POLE: variants seen among roughly 807,000 people sequenced by gnomAD.
POLE encodes DNA polymerase epsilon catalytic subunit A.
POLE carries 188 observed loss-of-function variants against 279.2 expected under a neutral mutation model. The observed-to-expected ratio is 0.67, with a 90% CI of 0.60 to 0.76. The LOEUF (loss-of-function observed/expected upper bound fraction) is 0.76, where lower values mean the gene tolerates loss of function less well. POLE is among the 30% of genes least tolerant of loss of function. The pLI is 0.00. For missense variants in POLE, 2,703 were observed against 3,016.7 expected (o/e 0.90, Z 2.44); for synonymous variants, 1,214 against 1,172.5 (o/e 1.04, Z -0.72).
intron 45 of POLE, among the ~76,000 whole-genome samples, chr12:132,628,509 G>A (rs1308702010): frequency 2.6e-5 from 4 of 152,008 alleles, no homozygotes; most frequent in Non-Finnish European, 2.9e-5. Context: ...TGAGCATTGT[G>A]GCGGGCACCT....
chr12:132,665,629 C>T (rs1169547820), intron 20 of POLE, among the ~76,000 whole-genome samples, 179 bp from the exon 21 acceptor site: 1 of 152,178 alleles, frequency 6.6e-6, no homozygotes, highest in Non-Finnish European at 1.5e-5. Context: ...TATTTTGTCA[C>T]ACTTCCTTTA....
At position 132,675,912 on chromosome 12, in the gene POLE, A is replaced by G. The variant is rs534692022; in HGVS notation, c.1021-92T>C. The G allele has an allele frequency of 2.3e-5, 26 of 1,133,558 alleles. No individual in the cohort carries two copies. In the African/African-American group the frequency reaches 3.2e-4, roughly 14 times the overall value. 70.2% of individuals were successfully genotyped at this position (1,133,558 alleles called of 1,614,324 possible). ...CCCAAAGTTCAGAAGCAGCAGCCTC[A>G]TGTTGGCCCTTATTCCTGCCCCGCC... On this transcript the variant is annotated intron_variant, in intron 10 of 48. Transcript: ENST00000320574. The surrounding 1 kb of genome is among the most constrained non-coding windows in gnomAD (Gnocchi z 4.3).
In POLE at chr12:132,667,563, G is replaced by C. The variant is rs2135970043; in HGVS notation, c.2259C>G (p.Phe753Leu). ...LTTICQRENS[F>L]YVDTVRAFRD... The stretch of plus-strand genomic sequence containing the variant: ...GGAAGGCACGCACGGTGTCCACGTA[G>C]AAGGAGTTTTCCCGCTGGCAGATGG... The change falls in exon 20 of 49, where the codon TTC (phenylalanine) becomes TTG (leucine). Residue 753 changes from phenylalanine (F) to leucine (L), a missense_variant. By Grantham distance (22) the Phe-to-Leu change is conservative. Coordinates refer to ENST00000320574, the MANE Select transcript of POLE (RefSeq NM_006231.4). The C allele has an allele frequency of 6.2e-7, 1 of 1,613,858 alleles. No homozygotes were observed. Among genetic ancestry groups the C allele is most frequent in the Non-Finnish European group, 8.5e-7 (1 of 1,179,966 alleles).
chr12:132,648,882 C>A (rs778732897), intron 32 of POLE, 47 bp downstream of exon 32: 1 of 1,573,754 alleles, frequency 6.4e-7, no homozygotes. Context: ...GGAAAGCCAC[C>A]TCAGGCTGCC....
rs1011445513 is a variant in POLE at position 132,636,117 on chromosome 12, C to T, written c.5679-93G>A. ...CCCTTGTATCTATCTGTACCCTCCACTTACTTAACACTGAATTTGAAAGTT... is the reference window on the plus strand; with the variant it reads ...CCCTTGTATCTATCTGTACCCTCCATTTACTTAACACTGAATTTGAAAGTT... On this transcript the variant is annotated intron_variant, in intron 41 of 48. Coordinates refer to ENST00000320574, the MANE Select transcript of POLE (RefSeq NM_006231.4). 3.1e-6 allele frequency: 4 copies of T among 1,272,254 alleles called. No individual in the cohort carries two copies. The African/African-American group carries it at 4.5e-5, about 14-fold the overall frequency. The allele number at this position is 1,272,254 out of a possible 1,614,324, so 78.8% of individuals were successfully genotyped here.
chr12:132,658,208 C>A (rs1331828995), intron 26 of POLE: 2 of 459,098 alleles, frequency 4.4e-6, no homozygotes, highest in Non-Finnish European at 4.0e-6. Context: ...ATGTTCCTCA[C>A]AGCGTAACCA....
chr12:132,637,296 T>C (rs144651056), intron 41 of POLE, among the ~76,000 whole-genome samples: 122 of 152,338 alleles, frequency 8.0e-4, no homozygotes, highest in African/African-American at 2.9e-3. Flanking sequence ...CCCCAGATGC[T>C]ACCCCTGTAA....
At position 132,639,084 on chromosome 12, in the gene POLE, C is replaced by G. The variant is rs1464380567; in HGVS notation, c.5552+41G>C. On this transcript the variant is annotated intron_variant, in intron 40 of 48. Transcript: ENST00000320574. The surrounding 1 kb of genome is among the most constrained non-coding windows in gnomAD (Gnocchi z 4.7). ...TCTGGGGAGTAAGGGACCAGCCCAG[C>G]TGAGGACGCGGTGGACAGCCCAGGG... 1 of 1,591,456 alleles carries G rather than the reference C, an allele frequency of 6.3e-7. No individual in the cohort carries two copies. Among genetic ancestry groups the G allele is most frequent in the Non-Finnish European group, 8.6e-7 (1 of 1,160,930 alleles).
Position 132,661,892 on chromosome 12 carries a change from C to T in POLE, c.2707-208G>A, listed in dbSNP as rs2042690824. Reference sequence around the variant, plus strand: ...TATCTGTTAGGTCCAAGAAGCCAGACCCAAAATGCTACAGGCCGTATGCTT... The same window carrying T: ...TATCTGTTAGGTCCAAGAAGCCAGATCCAAAATGCTACAGGCCGTATGCTT... On this transcript the variant is annotated intron_variant, in intron 23 of 48. Coordinates refer to ENST00000320574, the MANE Select transcript of POLE (RefSeq NM_006231.4). This position sits in a 1 kb window ranked among gnomAD's most constrained non-coding sequence, Gnocchi z 4.1. Among the ~76,000 whole-genome samples the T allele has an allele frequency of 6.6e-6, 1 of 152,190 alleles. No individual in the cohort carries two copies. Among genetic ancestry groups the T allele is most frequent in the Non-Finnish European group, 1.5e-5 (1 of 68,032 alleles).
intron 29 of POLE, chr12:132,650,670 T>C (rs1373615002): frequency 6.6e-6 from 1 of 152,136 alleles, no homozygotes; most frequent in Non-Finnish European, 1.5e-5. Flanking sequence ...ATACCACCAA[T>C]AAGTAAATCT....
rs1044227086 is a variant in POLE at position 132,644,073 on chromosome 12, T to C, written c.4150-96A>G. ...CACGCTATTCGGAGTCCTAGACTTC[T>C]GGTGCCCCTAGCGACGGGGTACACC... On this transcript the variant is annotated intron_variant, in intron 32 of 48. Coordinates refer to ENST00000320574, the MANE Select transcript of POLE (RefSeq NM_006231.4). 1.2e-5 allele frequency: 17 copies of C among 1,383,268 alleles called. No homozygotes were observed. In the South Asian group the frequency reaches 2.0e-4, roughly 16 times the overall value. The allele number at this position is 1,383,268 out of a possible 1,614,324, so 85.7% of individuals were successfully genotyped here.
Position 132,681,155 on chromosome 12 carries a change from G to C in POLE, c.187C>G (p.Leu63Val), listed in dbSNP as rs1593088019. The part of the protein sequence containing the change: ...LKEPGEKTGW[L>V]INMHPTEILD... ...GTGCTTACAGGATGCATGTTAATGAGCCAGCCTGTCTTCTCACCAGGCTCC... is the reference window on the plus strand; with the variant it reads ...GTGCTTACAGGATGCATGTTAATGACCCAGCCTGTCTTCTCACCAGGCTCC... The change falls in exon 2 of 49, where the codon CTC becomes GTC. Residue 63 changes from leucine to valine, a missense_variant. Transcript: ENST00000320574. The C allele has an allele frequency of 6.2e-7, 1 of 1,614,100 alleles. No individual in the cohort carries two copies. The highest frequency in any genetic ancestry group is 8.5e-7 in the Non-Finnish European group (1 of 1,180,000).
rs559179798 is a variant in POLE at position 132,679,772 on chromosome 12, C to G, written c.424-121G>C. ...GTTGGCGACTTCAAGGCACCTTGTC[C>G]AACTCTGCACGTGGCACCAACTAAC... On this transcript the variant is annotated intron_variant, in intron 5 of 48. Coordinates refer to ENST00000320574, the MANE Select transcript of POLE (RefSeq NM_006231.4). The G allele has an allele frequency of 3.3e-4, 388 of 1,191,202 alleles. 5 individuals carry two copies. The South Asian group carries it at 5.3e-3, about 16-fold the overall frequency. The allele number at this position is 1,191,202 out of a possible 1,614,324, so 73.8% of individuals were successfully genotyped here.
At chr12:132,669,492 T>G (rs1473267400) in intron 16 of POLE, among the ~76,000 whole-genome samples, 1 of 151,690 alleles carries the variant, frequency 6.6e-6, no homozygotes, top group Non-Finnish European at 1.5e-5. Flanking sequence ...AGAAAAATCC[T>G]TAAAACCCTC....
At chr12:132,659,195 CTG>C (rs2042620802) in intron 26 of POLE, 98 bp downstream of exon 26, 3 of 1,251,502 alleles carry the variant, frequency 2.4e-6, no homozygotes, top group Non-Finnish European at 3.3e-6. Context: ...CCTCACCTCT[CTG>C]TGATGAGGGG....
chr12:132,668,609 T>C lies in POLE; in HGVS notation c.2026+26A>G, dbSNP rs2042851543. 1 of 1,596,442 alleles carries C rather than the reference T, an allele frequency of 6.3e-7. No homozygotes were observed. Among genetic ancestry groups the C allele is most frequent in the Non-Finnish European group, 8.6e-7 (1 of 1,166,964 alleles). ...ACTCACCCACCCGTTTCCCACCGAG[T>C]GCCCACCCAGGCGGCCGACACTCAC... On this transcript the variant is annotated intron_variant, in intron 18 of 48. Coordinates refer to ENST00000320574, the MANE Select transcript of POLE (RefSeq NM_006231.4). The surrounding 1 kb of genome is among the most constrained non-coding windows in gnomAD (Gnocchi z 4.0).
chr12:132,682,308 AT>A (rs1466540686), intron 1 of POLE, among the ~76,000 whole-genome samples: 9 of 102,136 alleles, frequency 8.8e-5, no homozygotes, highest in South Asian at 2.9e-4. Flanking sequence ...AAAAAAATAA[AT>A]AAAAATAAAT....
intron 5 of POLE, 51 bp downstream of exon 5, chr12:132,679,903 C>T (rs761504360): frequency 7.5e-7 from 1 of 1,334,958 alleles, no homozygotes; most frequent in African/African-American, 1.5e-5. Flanking sequence ...CTGCCAGGAA[C>T]AATGTAGACT....
chr12:132,670,841 G>C lies in POLE; in HGVS notation c.1794+1374C>G, dbSNP rs186836092. 1.7e-4 allele frequency among the ~76,000 whole-genome samples: 26 copies of C among 152,296 alleles called. No homozygotes were observed. In the East Asian group the frequency reaches 4.8e-3, roughly 28 times the overall value. ...GTTATTCAGACAAGGCTCTCTTCCT[G>C]ATCGGTTCATAAGAGTTCCCTGAAG... On this transcript the variant is annotated intron_variant, in intron 16 of 48. Coordinates refer to ENST00000320574, the MANE Select transcript of POLE (RefSeq NM_006231.4).
Sources: allele counts gnomAD v4.1 joint callset (sites outside exome capture counted in the v4.1 genomes callset), GRCh38; gene constraint gnomAD v4.1.1; non-coding constraint Gnocchi (gnomAD v3.1); transcripts MANE v1.5; gene names NCBI Gene and HGNC (gene_info 2026-07-23, HGNC 2026-07-21).